Variants in TDRD9 observed in about 807,000 individuals in gnomAD.
The protein encoded by TDRD9 is tudor domain containing 9, also known as ATP-dependent RNA helicase TDRD9.
A neutral mutation model predicts 172.6 loss-of-function variants in TDRD9; 124 were observed. That is an observed-to-expected ratio of 0.72 (90% CI 0.62 to 0.83). The LOEUF (loss-of-function observed/expected upper bound fraction) is 0.83, where lower values mean the gene tolerates loss of function less well. Among genes scored for constraint, TDRD9 ranks in the 40% least tolerant of loss-of-function variants. TDRD9 has a pLI of 0.00. For synonymous variants in TDRD9, 619 were observed against 617.1 expected (o/e 1.00, Z -0.05); for missense variants, 1,479 against 1,714.1 (o/e 0.86, Z 2.42).
At position 104,052,425 on chromosome 14, in the gene TDRD9, G is replaced by T. The variant is rs1487525872; in HGVS notation, c.*343G>T. 1 of 169,858 alleles carries T rather than the reference G, an allele frequency of 5.9e-6. No individual in the cohort carries two copies. The highest frequency in any genetic ancestry group is 1.3e-5 in the Non-Finnish European group (1 of 78,272). 10.5% of individuals were successfully genotyped at this position (169,858 alleles called of 1,614,324 possible). On this transcript the variant is annotated 3_prime_UTR_variant, in exon 36 of 36. Coordinates refer to ENST00000409874, the MANE Select transcript of TDRD9 (RefSeq NM_153046.3). ...ATAAGTAGTTAATCTTAGATGTAAG[G>T]TTCCAGAATGTGCTTACATATTCTG...
In TDRD9 at chr14:103,937,324, C is replaced by G. The variant is rs74086775; in HGVS notation, c.215+8600C>G. On this transcript the variant is annotated intron_variant, in intron 1 of 35. Coordinates refer to ENST00000409874, the MANE Select transcript of TDRD9 (RefSeq NM_153046.3). The stretch of plus-strand genomic sequence containing the variant: ...CTTGAAGATAGCAAGCTAATTCCCA[C>G]CTTGCAGCTTCCACACTGACTCTTC... Among the ~76,000 whole-genome samples the G allele has an allele frequency of 1.9e-3, 287 of 152,320 alleles. 1 individual carries two copies. Among genetic ancestry groups the G allele is most frequent in the African/African-American group, 6.7e-3 (280 of 41,558 alleles).
intron 2 of TDRD9, among the ~76,000 whole-genome samples, chr14:103,959,683 T>C (rs2032418362): frequency 6.6e-6 from 1 of 152,202 alleles, no homozygotes; most frequent in Non-Finnish European, 1.5e-5. Context: ...ATTTCACTTA[T>C]AAGTATTAAA....
intron 28 of TDRD9, among the ~76,000 whole-genome samples, chr14:104,028,327 CT>C (rs1198855051): frequency 6.6e-6 from 1 of 151,984 alleles, no homozygotes; most frequent in Non-Finnish European, 1.5e-5. Context: ...TAAGAGTTCC[CT>C]TTTCTCAGCA....
At chr14:103,947,158 A>G (rs1024622386) in intron 1 of TDRD9, among the ~76,000 whole-genome samples, 6 of 152,306 alleles carry the variant, frequency 3.9e-5, no homozygotes, top group Admixed American at 1.3e-4. Context: ...TACAATCATC[A>G]AAACAGTATG....
intron 1 of TDRD9, among the ~76,000 whole-genome samples, chr14:103,947,318 T>G (rs1416999207): frequency 3.3e-5 from 5 of 151,926 alleles, no homozygotes; most frequent in Admixed American, 6.6e-5. Flanking sequence ...TGTTTTGTTT[T>G]TTTTGTTTTT....
intron 34 of TDRD9, among the ~76,000 whole-genome samples, chr14:104,045,098 A>G (rs1440826779): frequency 1.3e-5 from 2 of 151,890 alleles, no homozygotes; most frequent in Non-Finnish European, 2.9e-5. Flanking sequence ...AGCCAAGATC[A>G]CGCCATTGCA....
intron 23 of TDRD9, among the ~76,000 whole-genome samples, chr14:104,019,910 C>T (rs1376706726): frequency 6.6e-6 from 1 of 152,170 alleles, no homozygotes; most frequent in African/African-American, 2.4e-5. Context: ...TTTGAGACTT[C>T]CTCGGGTAGA....
intron 1 of TDRD9, among the ~76,000 whole-genome samples, chr14:103,947,853 AAAG>A (rs559221778): frequency 3.7e-4 from 56 of 152,300 alleles, no homozygotes; most frequent in Admixed American, 5.9e-4. Context: ...ACAGGCAACA[AAAG>A]AAGAAAGACA....
Position 104,042,139 on chromosome 14 carries a change from CAGAG to C in TDRD9, c.3931_3934del (p.Arg1311LeufsTer13). The C allele has an allele frequency of 6.2e-7, 1 of 1,613,718 alleles. No individual in the cohort carries two copies. Among genetic ancestry groups the C allele is most frequent in the Non-Finnish European group, 8.5e-7 (1 of 1,179,658 alleles). ...CCAAATGGATGCAAGTGTCTTGGGC[CAGAG>C]AGAGTTGCGCAGCTTCAAGACATTG... On this transcript the variant is annotated frameshift_variant, in exon 34 of 36. Coordinates refer to ENST00000409874, the MANE Select transcript of TDRD9 (RefSeq NM_153046.3). LOFTEE classifies it high-confidence loss of function.
At chr14:103,956,105 AAAAAAAATATATATAT>A (rs1284983548) in intron 2 of TDRD9, among the ~76,000 whole-genome samples, 2 of 39,562 alleles carry the variant, frequency 5.1e-5, no homozygotes, top group African/African-American at 1.1e-4. Flanking sequence ...AAAAAAAAAA[AAAAAAAATATATATAT>A]ATATATATAT....
intron 34 of TDRD9, among the ~76,000 whole-genome samples, chr14:104,047,274 T>C (rs1008195499): frequency 5.9e-5 from 9 of 152,216 alleles, no homozygotes; most frequent in Non-Finnish European, 1.0e-4. Flanking sequence ...CTTAATTTTG[T>C]TTTTGAATTT....
intron 31 of TDRD9, 135 bp downstream of exon 31, chr14:104,034,204 T>TTTG (rs2035377044): frequency 1.8e-5 from 10 of 551,832 alleles, no homozygotes; most frequent in Non-Finnish European, 2.5e-5. Context: ...TTTTTTTTTT[T>TTTG]TTTTGAGACA....
intron 23 of TDRD9, among the ~76,000 whole-genome samples, chr14:104,020,803 G>A (rs1595995133): frequency 6.6e-6 from 1 of 152,086 alleles, no homozygotes; most frequent in African/African-American, 2.4e-5. Flanking sequence ...GATGATGTGG[G>A]GACCCAGGGG....
chr14:103,933,325 C>T (rs190144661), intron 1 of TDRD9, among the ~76,000 whole-genome samples: 24 of 152,310 alleles, frequency 1.6e-4, no homozygotes, highest in Admixed American at 6.5e-4. Context: ...TTCCTTCTGC[C>T]TTGTGTTTCT....
intron 6 of TDRD9, among the ~76,000 whole-genome samples, chr14:103,973,398 G>T (rs2033115598): frequency 6.6e-6 from 1 of 152,106 alleles, no homozygotes; most frequent in Admixed American, 6.5e-5. Flanking sequence ...GGTCCCTGTG[G>T]TTCCCCCGAC....
intron 15 of TDRD9, among the ~76,000 whole-genome samples, 154 bp from the exon 16 acceptor site, chr14:104,006,235 T>G (rs1248242800): frequency 6.6e-6 from 1 of 152,046 alleles, no homozygotes; most frequent in Non-Finnish European, 1.5e-5. Context: ...ATTTAAAAAG[T>G]TTTTTTTGGT....
chr14:103,998,507 T>G, intron 12 of TDRD9, 117 bp from the exon 13 acceptor site: 3 of 684,296 alleles, frequency 4.4e-6, no homozygotes, highest in Non-Finnish European at 7.7e-6. Flanking sequence ...CGTTTCTGCC[T>G]GTTCACTAAT....
intron 6 of TDRD9, among the ~76,000 whole-genome samples, chr14:103,975,186 C>T (rs955097391): frequency 6.6e-6 from 1 of 151,982 alleles, no homozygotes; most frequent in African/African-American, 2.4e-5. Flanking sequence ...AAAAGGTACT[C>T]GAAGAGAAAT....
At chr14:103,941,753 G>T (rs2152120133) in intron 1 of TDRD9, 3 of 1,289,898 alleles carry the variant, frequency 2.3e-6, no homozygotes, top group South Asian at 1.6e-5. Flanking sequence ...ATGTTCTTCT[G>T]AGCAAATATT....
Sources: gnomAD v4.1 joint callset for allele counts (sites outside exome capture counted in the v4.1 genomes callset) on GRCh38, gnomAD v4.1.1 for gene constraint, MANE v1.5 for transcripts, NCBI Gene and HGNC (gene_info 2026-07-23, HGNC 2026-07-21) for gene names.